PCDHGA3: variants seen among roughly 807,000 people sequenced by gnomAD.
The protein encoded by PCDHGA3 is protocadherin gamma subfamily A, 3.
PCDHGA3 carries 40 observed loss-of-function variants against 58.5 expected under a neutral mutation model. The ratio of observed to expected loss-of-function variants is 0.68; its 90% CI spans 0.53 to 0.89. The LOEUF is 0.89. PCDHGA3 is among the 40% of genes least tolerant of loss of function. The pLI is 0.00. For missense variants in PCDHGA3, 1,223 were observed against 1,195.9 expected (o/e 1.02, Z -0.33); for synonymous variants, 530 against 525.7 (o/e 1.01, Z -0.11).
rs370996766 is a variant in PCDHGA3 at position 141,344,064 on chromosome 5, A to G, written c.31A>G (p.Arg11Gly). ...CAATTGCCTGAGTTTCCGAAATGGC[A>G]GAGGACTGGCCCTGCTGTGCGCGCT... Reference protein sequence around the residue: MTNCLSFRNGRGLALLCALLG... With the variant: MTNCLSFRNGGGLALLCALLG... Residue 11 changes from arginine (R) to glycine (G), a missense_variant, in exon 1 of 4, where the codon AGA becomes GGA. Physicochemically the swap from Arg to Gly is moderately radical, Grantham distance 125. Coordinates refer to ENST00000253812, the MANE Select transcript of PCDHGA3 (RefSeq NM_018916.4). The G allele has an allele frequency of 1.3e-6, 2 of 1,573,822 alleles. No individual in the cohort carries two copies. Among genetic ancestry groups the G allele is most frequent in the Non-Finnish European group, 1.7e-6 (2 of 1,160,378 alleles).
chr5:141,399,807 C>T, intron 1 of PCDHGA3: 1 of 1,613,222 alleles, frequency 6.2e-7, no homozygotes, highest in Non-Finnish European at 8.5e-7. Context: ...GGGTGCTGTA[C>T]CCCGCGCTGG....
intron 1 of PCDHGA3, chr5:141,385,331 C>T (rs1235160402): frequency 6.3e-7 from 1 of 1,585,046 alleles, no homozygotes; most frequent in African/African-American, 1.4e-5. Flanking sequence ...CAGGTGAGCC[C>T]AGCCCTTCCT....
At chr5:141,405,380 A>G in intron 1 of PCDHGA3, 1 of 1,602,960 alleles carries the variant, frequency 6.2e-7, no homozygotes, top group Non-Finnish European at 8.5e-7. Context: ...GGTTCCGGTG[A>G]GTTCATTTTT....
At chr5:141,450,152 A>G (rs958894990) in intron 1 of PCDHGA3, among the ~76,000 whole-genome samples, 1 of 151,132 alleles carries the variant, frequency 6.6e-6, no homozygotes, top group East Asian at 2.0e-4. Context: ...GACTACAGGC[A>G]TGTGCCACCA....
intron 1 of PCDHGA3, among the ~76,000 whole-genome samples, chr5:141,461,126 T>C (rs575819058): frequency 6.6e-6 from 1 of 152,260 alleles, no homozygotes; most frequent in Non-Finnish European, 1.5e-5. Flanking sequence ...TTTCATATAA[T>C]TACTTATTTT....
At chr5:141,483,797 G>GCTGCTTTT (rs1255394691) in intron 1 of PCDHGA3, among the ~76,000 whole-genome samples, 3 of 152,174 alleles carry the variant, frequency 2.0e-5, no homozygotes, top group Non-Finnish European at 4.4e-5. Context: ...TCCAGTTGTT[G>GCTGCTTTT]CTGCTTTTTT....
Position 141,418,036 on chromosome 5 carries a change from G to C in PCDHGA3, c.2424+71579G>C, listed in dbSNP as rs933500300. ...CTAAGGATCTAGGGCTTAGTGTCCT[G>C]GATGTGTCGGCTCGCGAGCTGCGAG... On this transcript the variant is annotated intron_variant, in intron 1 of 3. Coordinates refer to ENST00000253812, the MANE Select transcript of PCDHGA3 (RefSeq NM_018916.4). 3.7e-6 allele frequency: 6 copies of C among 1,613,902 alleles called. No individual in the cohort carries two copies. The African/African-American group carries it at 8.0e-5, about 22-fold the overall frequency.
chr5:141,369,695 A>C (rs1418423845), intron 1 of PCDHGA3, among the ~76,000 whole-genome samples: 3 of 152,228 alleles, frequency 2.0e-5, no homozygotes, highest in African/African-American at 4.8e-5. Flanking sequence ...ATAAAACTAA[A>C]AGCTATGACA....
Position 141,350,426 on chromosome 5 carries a change from G to T in PCDHGA3, c.2424+3969G>T, listed in dbSNP as rs776190786. ...ACTTGCCAAGGATCTGGGGCTCAGT[G>T]TCCGGGAGTTGCCAACTCGAAAACT... On this transcript the variant is annotated intron_variant, in intron 1 of 3. Transcript: ENST00000253812. 2.5e-6 allele frequency: 4 copies of T among 1,609,938 alleles called. No homozygotes were observed. The African/African-American group carries it at 4.0e-5, about 16-fold the overall frequency.
At position 141,344,164 on chromosome 5, in the gene PCDHGA3, T is replaced by C. The variant is rs779496176; in HGVS notation, c.131T>C (p.Phe44Ser). 6.2e-7 allele frequency: 1 copy of C among 1,613,998 alleles called. No homozygotes were observed. Among genetic ancestry groups the C allele is most frequent in the Non-Finnish European group, 8.5e-7 (1 of 1,179,892 alleles). Residue 44 changes from phenylalanine (F) to serine (S), a missense_variant, in exon 1 of 4, where the codon TTC becomes TCC. By Grantham distance (155) the Phe-to-Ser change is radical. Coordinates refer to ENST00000253812, the MANE Select transcript of PCDHGA3 (RefSeq NM_018916.4). ...TCTGAGGAGCTAGATAAAGGTTCCT[T>C]CGTGGGCAACATCGCTAACGACCTG... is the stretch of plus-strand genomic sequence containing the variant. ...SVSEELDKGSFVGNIANDLGL... is the reference protein window; with the variant it reads ...SVSEELDKGSSVGNIANDLGL...
chr5:141,403,685 C>T, intron 1 of PCDHGA3: 4 of 1,613,822 alleles, frequency 2.5e-6, no homozygotes, highest in Non-Finnish European at 3.4e-6. Flanking sequence ...TTTTGCTCAA[C>T]GGATTTACCG....
chr5:141,415,284 G>T (rs186109113), intron 1 of PCDHGA3: 1 of 1,614,198 alleles, frequency 6.2e-7, no homozygotes, highest in East Asian at 2.2e-5. Context: ...CGGTGGCCGC[G>T]GTCTCCTGCG....
At chr5:141,374,343 C>T in intron 1 of PCDHGA3, 2 of 1,613,990 alleles carry the variant, frequency 1.2e-6, no homozygotes, top group Non-Finnish European at 1.7e-6. Context: ...TTGGTCACCG[C>T]GGGTAGGATA....
intron 1 of PCDHGA3, among the ~76,000 whole-genome samples, chr5:141,407,824 G>C (rs2094986699): frequency 6.6e-6 from 1 of 152,190 alleles, no homozygotes; most frequent in South Asian, 2.1e-4. Context: ...TAATATTATG[G>C]TGAGAGCAAA....
chr5:141,501,066 A>G (rs2099805322), intron 2 of PCDHGA3, among the ~76,000 whole-genome samples: 1 of 151,976 alleles, frequency 6.6e-6, no homozygotes, highest in South Asian at 2.1e-4. Flanking sequence ...ACGGGGTTTC[A>G]CCATGTTGAC....
intron 1 of PCDHGA3, among the ~76,000 whole-genome samples, chr5:141,462,897 G>A (rs2099049236): frequency 6.6e-6 from 1 of 152,130 alleles, no homozygotes; most frequent in South Asian, 2.1e-4. Context: ...TGTTTTGGAA[G>A]GCTATTATGT....
At chr5:141,376,845 C>A (rs993126177) in intron 1 of PCDHGA3, 21 of 242,440 alleles carry the variant, frequency 8.7e-5, no homozygotes, top group Admixed American at 3.1e-4. Context: ...CGCCACCGCG[C>A]CCGGCTAATT....
intron 1 of PCDHGA3, chr5:141,351,310 C>T: frequency 1.2e-6 from 2 of 1,613,816 alleles, no homozygotes; most frequent in Non-Finnish European, 1.7e-6. Context: ...CCTTCTCTAA[C>T]CAGATTCCAG....
chr5:141,365,321 G>A lies in PCDHGA3; in HGVS notation c.2424+18864G>A, dbSNP rs552296703. On this transcript the variant is annotated intron_variant, in intron 1 of 3. Coordinates refer to ENST00000253812, the MANE Select transcript of PCDHGA3 (RefSeq NM_018916.4). ...GGATGGAGGCGCTCTTGTTGCCAGC[G>A]CTAAGGTGGTGGTCACAGTACAGGA... 3.1e-6 allele frequency: 5 copies of A among 1,613,828 alleles called. No homozygotes were observed. In the South Asian group the frequency reaches 4.4e-5, roughly 14 times the overall value.
Sources: allele counts gnomAD v4.1 joint callset (sites outside exome capture counted in the v4.1 genomes callset), GRCh38; gene constraint gnomAD v4.1.1; transcripts MANE v1.5; gene names NCBI Gene and HGNC (gene_info 2026-07-23, HGNC 2026-07-21).